The following CERS3 variants were observed in gnomAD, a reference collection of about 807,000 sequenced individuals.
CERS3 encodes ceramide synthase 3.
Under a neutral mutation model 50.3 loss-of-function variants are expected in CERS3, and 33 were observed. The observed-to-expected ratio is 0.66, with a 90% CI of 0.50 to 0.88. CERS3 has a LOEUF of 0.88. CERS3 is among the 40% of genes least tolerant of loss of function. The pLI, the probability that CERS3 is intolerant of heterozygous loss-of-function variation, is 0.00. For missense variants in CERS3, 470 were observed against 460.3 expected, an observed-to-expected ratio of 1.02 and a Z score of -0.19; for synonymous variants, 176 against 155.2, an observed-to-expected ratio of 1.13 and a Z score of -0.99.
chr15:100,433,823 C>T (rs1028009448), intron 11 of CERS3, among the ~76,000 whole-genome samples: 3 of 152,280 alleles, frequency 2.0e-5, no homozygotes, highest in African/African-American at 7.2e-5. Context: ...AAGCTTGCCT[C>T]AGGCTTTCGC....
intron 2 of CERS3, among the ~76,000 whole-genome samples, chr15:100,514,870 G>GTTA (rs2036448285): frequency 1.3e-5 from 2 of 152,124 alleles, no homozygotes; most frequent in African/African-American, 2.4e-5. Context: ...TTAAAATATT[G>GTTA]TTATCACTGA....
At chr15:100,414,556 G>T (rs531611542) in intron 11 of CERS3, among the ~76,000 whole-genome samples, 1 of 152,052 alleles carries the variant, frequency 6.6e-6, no homozygotes, top group Non-Finnish European at 1.5e-5. Flanking sequence ...AACCAAAACA[G>T]CACGGTACTG....
chr15:100,539,084 C>A (rs917712344), intron 1 of CERS3, among the ~76,000 whole-genome samples: 1 of 152,182 alleles, frequency 6.6e-6, no homozygotes, highest in Non-Finnish European at 1.5e-5. Context: ...GCCTCTTTGC[C>A]AAAGCATAGC....
At chr15:100,485,368 A>G (rs2035453419) in intron 4 of CERS3, among the ~76,000 whole-genome samples, 1 of 152,214 alleles carries the variant, frequency 6.6e-6, no homozygotes, top group African/African-American at 2.4e-5. Flanking sequence ...AACAATATGA[A>G]TGATAGATCT....
chr15:100,507,782 G>C (rs2142349445), intron 2 of CERS3, among the ~76,000 whole-genome samples: 1 of 152,334 alleles, frequency 6.6e-6, no homozygotes, highest in East Asian at 1.9e-4. Context: ...ATTGAATCTG[G>C]AGCAGACAAT....
chr15:100,479,383 T>A, intron 7 of CERS3, 45 bp downstream of exon 7: 1 of 1,401,636 alleles, frequency 7.1e-7, no homozygotes, highest in Non-Finnish European at 9.9e-7. Context: ...ATTTGAGGGA[T>A]CTTGGTGTTC....
intron 5 of CERS3, among the ~76,000 whole-genome samples, chr15:100,482,599 AT>A (rs576393428): frequency 1.9e-3 from 51 of 27,068 alleles, no homozygotes; most frequent in South Asian, 0.012. Flanking sequence ...GTGGAATTTG[AT>A]TTTTTTTTTT....
intron 11 of CERS3, among the ~76,000 whole-genome samples, chr15:100,434,585 G>A (rs1403915948): frequency 1.3e-5 from 2 of 152,214 alleles, no homozygotes; most frequent in African/African-American, 2.4e-5. Context: ...GGTAGTAGGG[G>A]TGGGGAGATG....
At chr15:100,477,009 C>G (rs2035147798) in intron 7 of CERS3, among the ~76,000 whole-genome samples, 1 of 152,146 alleles carries the variant, frequency 6.6e-6, no homozygotes, top group Admixed American at 6.5e-5. Context: ...ATGACGTCAC[C>G]ATAGACTTGA....
chr15:100,449,091 G>C (rs1056099959), intron 11 of CERS3, among the ~76,000 whole-genome samples: 3 of 152,168 alleles, frequency 2.0e-5, no homozygotes, highest in Admixed American at 6.5e-5. Context: ...TGCTTCGCCT[G>C]GTTCCACACT....
At chr15:100,531,801 G>A (rs549105898), upstream of CERS3, among the ~76,000 whole-genome samples, 3 of 152,244 alleles carry the variant, frequency 2.0e-5, no homozygotes, top group African/African-American at 7.2e-5. Context: ...TTTATATTGC[G>A]AATCCTCATT....
At chr15:100,454,414 C>T (rs1470869179) in intron 11 of CERS3, among the ~76,000 whole-genome samples, 1 of 138,870 alleles carries the variant, frequency 7.2e-6, no homozygotes, top group Admixed American at 7.3e-5. Context: ...GATACCAATG[C>T]CATTTTTCAC....
At chr15:100,404,913 C>G (rs891929603) in intron 11 of CERS3, among the ~76,000 whole-genome samples, 4 of 152,178 alleles carry the variant, frequency 2.6e-5, no homozygotes, top group South Asian at 4.1e-4. Flanking sequence ...AACTGGACAT[C>G]TGTAAGCAAA....
intron 11 of CERS3, among the ~76,000 whole-genome samples, chr15:100,442,705 G>A (rs538006064): frequency 2.6e-5 from 4 of 152,180 alleles, no homozygotes; most frequent in African/African-American, 4.8e-5. Context: ...CTGGAACTCC[G>A]GCCCAAGGCT....
chr15:100,494,492 C>A (rs538861007), intron 3 of CERS3, among the ~76,000 whole-genome samples: 43 of 151,970 alleles, frequency 2.8e-4, no homozygotes, highest in African/African-American at 1.0e-3. Context: ...CATGATCCAC[C>A]CGCCTTGGCC....
Position 100,469,623 on chromosome 15 carries a change from T to A in CERS3, c.739-139A>T, listed in dbSNP as rs1043600446. On this transcript the variant is annotated intron_variant, in intron 9 of 11. Coordinates refer to ENST00000679737, the MANE Select transcript of CERS3 (RefSeq NM_001378789.1). Reference sequence around the variant, plus strand: ...AAAGTAGGGGGTACAGGTGGGGCAATAGATAAAACAAGACTGGCCATATTG... The same window carrying A: ...AAAGTAGGGGGTACAGGTGGGGCAAAAGATAAAACAAGACTGGCCATATTG... 12 of 615,968 alleles carry A rather than the reference T, an allele frequency of 1.9e-5. No individual in the cohort carries two copies. In the African/African-American group the frequency reaches 2.2e-4, roughly 11 times the overall value. 38.2% of individuals were successfully genotyped at this position (615,968 alleles called of 1,614,324 possible). A position where few individuals can be genotyped will look rare whatever the true frequency, so the allele number is the denominator to read the frequency against.
At chr15:100,538,964 C>T (rs1019724934) in intron 1 of CERS3, among the ~76,000 whole-genome samples, 6 of 152,206 alleles carry the variant, frequency 3.9e-5, no homozygotes, top group Non-Finnish European at 7.3e-5. Context: ...GCACCCAAGT[C>T]ACCTCTTGAA....
chr15:100,491,460 C>A (rs2142300291), intron 3 of CERS3, among the ~76,000 whole-genome samples: 1 of 152,208 alleles, frequency 6.6e-6, no homozygotes, highest in East Asian at 1.9e-4. Context: ...ATATTGCATT[C>A]CCACCAATAA....
At chr15:100,444,895 A>G (rs900177290) in intron 11 of CERS3, among the ~76,000 whole-genome samples, 19 of 152,268 alleles carry the variant, frequency 1.2e-4, no homozygotes, top group Admixed American at 7.8e-4. Context: ...CCACCTCTAT[A>G]TAGTCCAATA....
Sources: allele counts gnomAD v4.1 joint callset (sites outside exome capture counted in the v4.1 genomes callset), GRCh38; gene constraint gnomAD v4.1.1; transcripts MANE v1.5; gene names NCBI Gene and HGNC (gene_info 2026-07-23, HGNC 2026-07-21).